SOBP: variants seen among roughly 807,000 people sequenced by gnomAD.
SOBP encodes the protein sine oculis-binding protein homolog.
A neutral mutation model predicts 53.6 loss-of-function variants in SOBP; 4 were observed. That is an observed-to-expected ratio of 0.07 (90% CI 0.04 to 0.17). The LOEUF (loss-of-function observed/expected upper bound fraction) is 0.17. Among genes scored for constraint, SOBP ranks in the 10% least tolerant of loss-of-function variants. The pLI is 1.00. For missense variants in SOBP, 1,088 were observed against 1,204.7 expected, an observed-to-expected ratio of 0.90 and a Z score of 1.43; for synonymous variants, 584 against 522.6, an observed-to-expected ratio of 1.12 and a Z score of -1.60.
At chr6:107,594,193 A>G (rs1046645464) in intron 5 of SOBP, among the ~76,000 whole-genome samples, 7 of 152,130 alleles carry the variant, frequency 4.6e-5, no homozygotes, top group Non-Finnish European at 1.0e-4. Context: ...AATGAGGACA[A>G]TAGTAGCTAT....
chr6:107,563,952 T>A (rs1784845138), intron 4 of SOBP, among the ~76,000 whole-genome samples: 1 of 152,180 alleles, frequency 6.6e-6, no homozygotes, highest in Non-Finnish European at 1.5e-5. Context: ...CTGGAACACT[T>A]CCAAAGGCAG....
intron 5 of SOBP, among the ~76,000 whole-genome samples, chr6:107,589,212 T>C (rs544386154): frequency 5.3e-5 from 8 of 152,214 alleles, no homozygotes; most frequent in Non-Finnish European, 1.0e-4. Context: ...GCAAGAGCAG[T>C]AGCCAGTTTA....
At chr6:107,569,289 C>T (rs1429538433) in intron 4 of SOBP, among the ~76,000 whole-genome samples, 2 of 152,176 alleles carry the variant, frequency 1.3e-5, no homozygotes, top group Non-Finnish European at 2.9e-5. Flanking sequence ...TCATCACTAT[C>T]CCCTACCAAG....
intron 4 of SOBP, among the ~76,000 whole-genome samples, chr6:107,562,508 A>G (rs1168268323): frequency 6.6e-6 from 1 of 152,222 alleles, no homozygotes; most frequent in Non-Finnish European, 1.5e-5. Context: ...TAGCATAATC[A>G]CTTGTCTTCC....
chr6:107,563,736 CG>C (rs780095996), intron 4 of SOBP, among the ~76,000 whole-genome samples: 3 of 151,884 alleles, frequency 2.0e-5, no homozygotes, highest in Non-Finnish European at 4.4e-5. Context: ...CCAGTATGTC[CG>C]GAAAAGCAGA....
chr6:107,491,452 G>A (rs1226209169), intron 1 of SOBP, among the ~76,000 whole-genome samples: 5 of 152,252 alleles, frequency 3.3e-5, no homozygotes, highest in Admixed American at 6.5e-5. Flanking sequence ...AGTCCTCTCG[G>A]CGAGGCTGGG....
At chr6:107,492,484 C>G (rs1168833570) in intron 1 of SOBP, among the ~76,000 whole-genome samples, 1 of 152,170 alleles carries the variant, frequency 6.6e-6, no homozygotes, top group African/African-American at 2.4e-5. Context: ...GTTATCCCGG[C>G]TGGATATAAA....
rs1330566841 is a variant in SOBP at position 107,660,185 on chromosome 6, TTTTTTTTG to T, written c.*1989_*1996del. The T allele has an allele frequency of 7.2e-6, 1 of 139,222 alleles. No individual in the cohort carries two copies. The highest frequency in any genetic ancestry group is 2.6e-5 in the African/African-American group (1 of 37,884). The allele number at this position is 139,222 out of a possible 1,614,324, so 8.6% of individuals were successfully genotyped here. A position where few individuals can be genotyped will look rare whatever the true frequency, so the allele number is the denominator to read the frequency against. On this transcript the variant is annotated 3_prime_UTR_variant, in exon 7 of 7. Transcript: ENST00000317357. ...CTTTTCTCATTATTATGACTACTGTTTTTTTTTGTTTTTTGTTTTTTGTTTTATTACAG... is the reference window on the plus strand; with the variant it reads ...CTTTTCTCATTATTATGACTACTGTTTTTTTTGTTTTTTGTTTTATTACAG...
chr6:107,639,642 C>T (rs1771221611), intron 6 of SOBP, among the ~76,000 whole-genome samples: 1 of 152,176 alleles, frequency 6.6e-6, no homozygotes, highest in Non-Finnish European at 1.5e-5. Context: ...ATGGAATACT[C>T]CCTTCTTTGT....
intron 3 of SOBP, among the ~76,000 whole-genome samples, chr6:107,517,620 C>T (rs961531604): frequency 6.6e-6 from 1 of 152,144 alleles, no homozygotes; most frequent in African/African-American, 2.4e-5. Flanking sequence ...ACAAAGATGA[C>T]ACGGTAGAGC....
At chr6:107,592,382 T>C (rs767242187) in intron 5 of SOBP, among the ~76,000 whole-genome samples, 1 of 152,218 alleles carries the variant, frequency 6.6e-6, no homozygotes, top group Non-Finnish European at 1.5e-5. Context: ...AGAACTTTTC[T>C]GCTAGATCAT....
chr6:107,633,794 C>T lies in SOBP; in HGVS notation c.950C>T (p.Thr317Ile), dbSNP rs1480474300. Residue 317 changes from threonine to isoleucine, a missense_variant, in exon 6 of 7, where the codon ACA (threonine) becomes ATA (isoleucine). Around this residue, in one of 6 missense-constraint regions of SOBP, gnomAD observed 211 missense variants for 258.9 expected, o/e 0.82. Transcript: ENST00000317357. Reference protein sequence around the residue: ...ARRKAPSPVATAGQSQGPGPS... With the variant: ...ARRKAPSPVAIAGQSQGPGPS... Reference sequence around the variant, plus strand: ...AGGAAGGCCCCCTCCCCGGTGGCTACAGCTGGCCAAAGCCAGGGCCCTGGC... The same window carrying T: ...AGGAAGGCCCCCTCCCCGGTGGCTATAGCTGGCCAAAGCCAGGGCCCTGGC... The T allele has an allele frequency of 6.2e-7, 1 of 1,614,226 alleles. No individual in the cohort carries two copies. Among genetic ancestry groups the T allele is most frequent in the Non-Finnish European group, 8.5e-7 (1 of 1,180,046 alleles).
rs1246831051 is a variant in SOBP at position 107,522,481 on chromosome 6, A to G, written c.422-10978A>G. 4.0e-5 allele frequency among the ~76,000 whole-genome samples: 6 copies of G among 151,632 alleles called. No individual in the cohort carries two copies. In the East Asian group the frequency reaches 9.7e-4, roughly 24 times the overall value. On this transcript the variant is annotated intron_variant, in intron 3 of 6. Coordinates refer to ENST00000317357, the MANE Select transcript of SOBP (RefSeq NM_018013.4). ...GCACCTAGAACAGTGCCTCACATAT[A>G]AGTAGACTTGATAAATATTCATCGA...
intron 4 of SOBP, among the ~76,000 whole-genome samples, chr6:107,565,318 G>A (rs7775895): frequency 0.18 from 26,790 of 152,090 alleles, 2,644 homozygotes; most frequent in South Asian, 0.31. Flanking sequence ...TCCATCTGCC[G>A]TAGAATCTGT....
Position 107,634,357 on chromosome 6 carries a change from C to T in SOBP, c.1513C>T (p.Gln505Ter). The stretch of plus-strand genomic sequence containing the variant: ...GCCAAATGGCCCGATGCCGGTGCCC[C>T]AGATGATGAATTTCGGGCTGCCGTC... ...MMPNGPMPVP[Q>*]MMNFGLPSLA... Residue 505 changes from glutamine to a stop codon, truncating the protein, a stop_gained, in exon 6 of 7, where the codon CAG (glutamine) becomes TAG (stop). Coordinates refer to ENST00000317357, the MANE Select transcript of SOBP (RefSeq NM_018013.4). LOFTEE classifies it high-confidence loss of function. This position sits in a 1 kb window ranked among gnomAD's most constrained non-coding sequence, Gnocchi z 4.5. 1 of 1,592,692 alleles carries T rather than the reference C, an allele frequency of 6.3e-7. No individual in the cohort carries two copies. Among genetic ancestry groups the T allele is most frequent in the Non-Finnish European group, 8.5e-7 (1 of 1,176,284 alleles).
At chr6:107,610,492 C>G (rs554673659) in intron 5 of SOBP, among the ~76,000 whole-genome samples, 1 of 152,310 alleles carries the variant, frequency 6.6e-6, no homozygotes, top group East Asian at 1.9e-4. Flanking sequence ...GTGGCCTTTG[C>G]TCGGAAGGTC....
intron 4 of SOBP, among the ~76,000 whole-genome samples, chr6:107,577,862 A>G (rs1785280075): frequency 6.6e-6 from 1 of 152,166 alleles, no homozygotes. Flanking sequence ...TCACGAAGTC[A>G]GGAGATCAAG....
At chr6:107,621,075 G>A (rs1786987103) in intron 5 of SOBP, 1 of 564,002 alleles carries the variant, frequency 1.8e-6, no homozygotes, top group Non-Finnish European at 2.2e-6. Context: ...ATGTTATCTG[G>A]CTGCTTGTCT....
intron 5 of SOBP, among the ~76,000 whole-genome samples, chr6:107,595,350 CT>C (rs745477007): frequency 0.043 from 3,802 of 88,032 alleles, 47 homozygotes; most frequent in African/African-American, 0.069. Context: ...GATTTTGATC[CT>C]TTTTTTTTTT....
Sources: gnomAD v4.1 joint callset for allele counts (sites outside exome capture counted in the v4.1 genomes callset) on GRCh38, gnomAD v4.1.1 for gene constraint, gnomAD v4.1.1 regional missense constraint, Gnocchi (gnomAD v3.1) non-coding constraint, MANE v1.5 for transcripts, NCBI Gene and HGNC (gene_info 2026-07-23, HGNC 2026-07-21) for gene names.